The following ROBO2 variants were observed in gnomAD, a reference collection of about 807,000 sequenced individuals.
ROBO2 encodes roundabout guidance receptor 2.
A neutral mutation model predicts 160.8 loss-of-function variants in ROBO2; 53 were observed. That is an observed-to-expected ratio of 0.33 (90% CI 0.26 to 0.41). The LOEUF (loss-of-function observed/expected upper bound fraction) is 0.41. Among genes scored for constraint, ROBO2 ranks in the 10% least tolerant of loss-of-function variants. The pLI is 1.00. For synonymous variants in ROBO2, 664 were observed against 611.7 expected, an observed-to-expected ratio of 1.09 and a Z score of -1.26; for missense variants, 1,577 against 1,722.4, an observed-to-expected ratio of 0.92 and a Z score of 1.49.
At chr3:75,982,957 T>G (rs2065317539) in intron 2 of ROBO2, among the ~76,000 whole-genome samples, 1 of 151,504 alleles carries the variant, frequency 6.6e-6, no homozygotes, top group Non-Finnish European at 1.5e-5. Context: ...TTTTCCAATT[T>G]TAAATCAGAT....
chr3:76,920,514 A>C (rs908182993), intron 2 of ROBO2, among the ~76,000 whole-genome samples: 2 of 152,196 alleles, frequency 1.3e-5, no homozygotes, highest in Admixed American at 1.3e-4. Context: ...TTCTTCTATG[A>C]AGCAGAAAAT....
At chr3:77,246,277 G>A (rs1024084571) in intron 2 of ROBO2, among the ~76,000 whole-genome samples, 2 of 151,870 alleles carry the variant, frequency 1.3e-5, no homozygotes, top group Non-Finnish European at 1.5e-5. Flanking sequence ...AGACCTCTGC[G>A]ACAGGAGTGA....
At chr3:75,991,431 A>C (rs1173970042) in intron 2 of ROBO2, among the ~76,000 whole-genome samples, 1 of 152,068 alleles carries the variant, frequency 6.6e-6, no homozygotes, top group Non-Finnish European at 1.5e-5. Context: ...TGATGGTTAT[A>C]AATCATGAGT....
chr3:77,641,083 A>G (rs2095344328), intron 24 of ROBO2, among the ~76,000 whole-genome samples: 2 of 152,258 alleles, frequency 1.3e-5, no homozygotes, highest in South Asian at 4.1e-4. Context: ...TGCATTTATA[A>G]TAACATATAG....
At chr3:76,086,685 A>G (rs569591532) in intron 2 of ROBO2, among the ~76,000 whole-genome samples, 1 of 152,324 alleles carries the variant, frequency 6.6e-6, no homozygotes, top group East Asian at 1.9e-4. Context: ...ATTTGAAAAC[A>G]AAAAACAATC....
At chr3:76,324,108 T>A (rs2072810017) in intron 2 of ROBO2, among the ~76,000 whole-genome samples, 1 of 152,198 alleles carries the variant, frequency 6.6e-6, no homozygotes, top group Admixed American at 6.5e-5. Flanking sequence ...CACTAAATGT[T>A]CAATATTGCT....
intron 2 of ROBO2, among the ~76,000 whole-genome samples, chr3:76,717,232 G>A (rs546364250): frequency 5.5e-4 from 84 of 152,216 alleles, no homozygotes; most frequent in African/African-American, 1.7e-3. Flanking sequence ...GGTGGCTCAC[G>A]CCTGTAATCC....
intron 2 of ROBO2, among the ~76,000 whole-genome samples, chr3:76,033,339 T>A (rs1448754450): frequency 6.6e-6 from 1 of 152,106 alleles, no homozygotes; most frequent in Non-Finnish European, 1.5e-5. Flanking sequence ...CAGGATATGC[T>A]GTGCTATTGC....
chr3:76,965,797 A>AT (rs2059253488), intron 2 of ROBO2, among the ~76,000 whole-genome samples: 1 of 146,424 alleles, frequency 6.8e-6, no homozygotes, highest in Non-Finnish European at 1.5e-5. Flanking sequence ...ATATATATAT[A>AT]TATATATATA....
At chr3:77,164,644 C>G (rs1320445584) in intron 2 of ROBO2, among the ~76,000 whole-genome samples, 2 of 116,846 alleles carry the variant, frequency 1.7e-5, no homozygotes, top group African/African-American at 3.3e-5. Context: ...GGCCAGCCGC[C>G]CCGTCCGGGA....
At position 76,319,601 on chromosome 3, in the gene ROBO2, G is replaced by C. The variant is rs555543373; in HGVS notation, c.109+381999G>C. On this transcript the variant is annotated intron_variant, in intron 2 of 26. Transcript: ENST00000487694. ...AATAATATTTTGAGGTTATCCTATGGTTGATTTCAAACCAAAATCTCAATT... is the reference window on the plus strand; with the variant it reads ...AATAATATTTTGAGGTTATCCTATGCTTGATTTCAAACCAAAATCTCAATT... 8.0e-5 allele frequency among the ~76,000 whole-genome samples: 6 copies of C among 75,438 alleles called. No individual in the cohort carries two copies. In the South Asian group the frequency reaches 4.2e-3, roughly 52 times the overall value. The allele number at this position is 75,438 out of a possible 152,430, so 49.5% of individuals were successfully genotyped here.
chr3:77,060,936 A>AT (rs78938899), intron 1 of ROBO2, among the ~76,000 whole-genome samples: 161 of 142,486 alleles, frequency 1.1e-3, no homozygotes, highest in Middle Eastern at 7.2e-3. Context: ...AAAACCTAAC[A>AT]TTTTTTTTTT....
intron 2 of ROBO2, among the ~76,000 whole-genome samples, chr3:76,273,064 A>T (rs1352775577): frequency 1.8e-5 from 2 of 108,536 alleles, no homozygotes; most frequent in Non-Finnish European, 3.5e-5. Flanking sequence ...ATATATAAAA[A>T]ATATATATAA....
chr3:76,849,647 G>T (rs963938638), intron 2 of ROBO2, among the ~76,000 whole-genome samples: 4 of 151,974 alleles, frequency 2.6e-5, no homozygotes, highest in Admixed American at 2.6e-4. Flanking sequence ...TTTCTGTTTT[G>T]ACATGGCATA....
intron 2 of ROBO2, among the ~76,000 whole-genome samples, chr3:77,001,774 C>T (rs1346673603): frequency 6.6e-6 from 1 of 151,700 alleles, no homozygotes; most frequent in African/African-American, 2.4e-5. Context: ...AATTCTAGAA[C>T]TATACATGAA....
At chr3:77,217,081 ATCTTTCTT>A (rs530992491) in intron 2 of ROBO2, among the ~76,000 whole-genome samples, 24 of 151,816 alleles carry the variant, frequency 1.6e-4, no homozygotes, top group Admixed American at 7.9e-4. Context: ...AAGGCCCTTA[ATCTTTCTT>A]TCTTTCTTTC....
intron 2 of ROBO2, among the ~76,000 whole-genome samples, chr3:76,918,791 A>G (rs1375160984): frequency 2.6e-5 from 4 of 152,212 alleles, no homozygotes; most frequent in Non-Finnish European, 4.4e-5. Context: ...CCAATAGTGT[A>G]AAAGCATTCC....
intron 2 of ROBO2, among the ~76,000 whole-genome samples, chr3:77,287,874 T>C (rs990547730): frequency 6.6e-6 from 1 of 152,218 alleles, no homozygotes; most frequent in African/African-American, 2.4e-5. Context: ...AACCTGAGCC[T>C]GAATGAAACT....
chr3:76,885,745 G>A (rs1162925449), intron 2 of ROBO2, among the ~76,000 whole-genome samples: 2 of 152,084 alleles, frequency 1.3e-5, no homozygotes. Flanking sequence ...ATCTCTCTCT[G>A]GGGCCCTTGA....
Sources: gnomAD v4.1 joint callset for allele counts (sites outside exome capture counted in the v4.1 genomes callset) on GRCh38, gnomAD v4.1.1 for gene constraint, MANE v1.5 for transcripts, NCBI Gene and HGNC (gene_info 2026-07-23, HGNC 2026-07-21) for gene names.